The following LRP1B variants were observed in gnomAD, a reference collection of about 807,000 sequenced individuals.
LRP1B encodes the protein LDL receptor related protein 1B, also known as low-density lipoprotein receptor-related protein 1B.
Under a neutral mutation model 556.6 loss-of-function variants are expected in LRP1B, and 217 were observed. That is an observed-to-expected ratio of 0.39 (90% confidence interval 0.35 to 0.44). The LOEUF is 0.44. Among genes scored for constraint, LRP1B ranks in the 20% least tolerant of loss-of-function variants. LRP1B has a pLI of 1.00. For missense variants in LRP1B, 5,053 were observed against 5,620.8 expected (o/e 0.90, Z 3.23); for synonymous variants, 2,047 against 1,865.8 (o/e 1.10, Z -2.50).
intron 45 of LRP1B, among the ~76,000 whole-genome samples, chr2:140,538,300 A>G (rs1680004288): frequency 6.6e-6 from 1 of 152,034 alleles, no homozygotes; most frequent in Non-Finnish European, 1.5e-5. Context: ...ACTGAGGTTT[A>G]AGATATGATT....
chr2:140,404,401 T>C (rs1461638907), intron 66 of LRP1B, among the ~76,000 whole-genome samples: 1 of 151,972 alleles, frequency 6.6e-6, no homozygotes, highest in Non-Finnish European at 1.5e-5. Context: ...CTCGATCTCC[T>C]GACCTCATGA....
chr2:141,014,507 C>T (rs1697847239), intron 13 of LRP1B, among the ~76,000 whole-genome samples: 1 of 151,828 alleles, frequency 6.6e-6, no homozygotes, highest in Admixed American at 6.6e-5. Context: ...CACCTTTTAC[C>T]ATAAATAAAA....
intron 31 of LRP1B, among the ~76,000 whole-genome samples, chr2:140,835,401 C>T (rs1461506512): frequency 6.6e-6 from 1 of 152,214 alleles, no homozygotes; most frequent in African/African-American, 2.4e-5. Flanking sequence ...TGAGGCTTCA[C>T]CTGCATAAAG....
intron 2 of LRP1B, among the ~76,000 whole-genome samples, chr2:141,670,203 A>G (rs1031285221): frequency 1.3e-5 from 2 of 152,032 alleles, no homozygotes; most frequent in Admixed American, 6.5e-5. Flanking sequence ...CAGCCTCTTC[A>G]TTAGAATTTG....
At chr2:140,569,233 A>C (rs1326308839) in intron 43 of LRP1B, among the ~76,000 whole-genome samples, 1 of 152,040 alleles carries the variant, frequency 6.6e-6, no homozygotes, top group African/African-American at 2.4e-5. Flanking sequence ...ACCTCGAATG[A>C]AAATGATTAA....
At chr2:140,526,078 G>T (rs912997534) in intron 48 of LRP1B, 85 bp from the exon 49 acceptor site, 47 of 1,455,470 alleles carry the variant, frequency 3.2e-5, no homozygotes, top group Non-Finnish European at 4.0e-5. Flanking sequence ...GATGAGAAAA[G>T]TTAACTTCAT....
At chr2:141,255,539 T>C (rs890766955) in intron 3 of LRP1B, among the ~76,000 whole-genome samples, 1 of 152,052 alleles carries the variant, frequency 6.6e-6, no homozygotes, top group Non-Finnish European at 1.5e-5. Flanking sequence ...AAACTGAACA[T>C]TGGGTATTGT....
chr2:141,752,957 A>AAAAAAAAAAAAAAAAAAAAAAAG, intron 2 of LRP1B, among the ~76,000 whole-genome samples: 1 of 144,578 alleles, frequency 6.9e-6, no homozygotes, highest in Non-Finnish European at 1.5e-5. Flanking sequence ...AAAAAAAAAA[A>AAAAAAAAAAAAAAAAAAAAAAAG]AAAATTATGC....
intron 3 of LRP1B, among the ~76,000 whole-genome samples, chr2:141,412,275 TTTC>T (rs1690880489): frequency 6.6e-6 from 1 of 152,206 alleles, no homozygotes; most frequent in African/African-American, 2.4e-5. Flanking sequence ...CTGAAGTCAT[TTTC>T]TTAAGTTAAT....
At chr2:140,262,595 G>GA (rs1364890042) in intron 86 of LRP1B, among the ~76,000 whole-genome samples, 6 of 152,156 alleles carry the variant, frequency 3.9e-5, no homozygotes, top group African/African-American at 1.4e-4. Flanking sequence ...TGATAGTGAA[G>GA]ATACTGGACA....
intron 84 of LRP1B, among the ~76,000 whole-genome samples, chr2:140,284,433 TC>T (rs1223706132): frequency 1.3e-5 from 2 of 151,342 alleles, no homozygotes; most frequent in African/African-American, 4.8e-5. Flanking sequence ...GATTTCTATC[TC>T]AGATGAGAGC....
intron 23 of LRP1B, among the ~76,000 whole-genome samples, chr2:140,901,731 T>C (rs1694111290): frequency 1.3e-5 from 2 of 152,310 alleles, no homozygotes; most frequent in African/African-American, 2.4e-5. Flanking sequence ...AGTGCACTTA[T>C]TGAAATTAAA....
At chr2:141,920,296 G>T (rs1224257999) in intron 1 of LRP1B, among the ~76,000 whole-genome samples, 3 of 140,492 alleles carry the variant, frequency 2.1e-5, no homozygotes, top group African/African-American at 7.7e-5. Context: ...GGGTGGTAGG[G>T]ATAATCATTT....
At chr2:141,645,741 C>T (rs944377112) in intron 2 of LRP1B, among the ~76,000 whole-genome samples, 4 of 151,750 alleles carry the variant, frequency 2.6e-5, no homozygotes, top group African/African-American at 7.3e-5. Flanking sequence ...ATGGCCTCAC[C>T]ATGTGGTTTC....
intron 2 of LRP1B, among the ~76,000 whole-genome samples, chr2:141,621,400 A>T (rs1688500696): frequency 2.0e-5 from 3 of 152,208 alleles, no homozygotes; most frequent in Admixed American, 2.0e-4. Flanking sequence ...AGAAAATACC[A>T]GAGAAGTAAA....
At chr2:140,870,493 T>C (rs7349387) in intron 25 of LRP1B, among the ~76,000 whole-genome samples, 127,727 of 152,086 alleles carry the variant, frequency 0.84, 54,040 homozygotes, top group Non-Finnish European at 0.89. Context: ...TACACTTGCA[T>C]GTTAGTAATC....
intron 5 of LRP1B, among the ~76,000 whole-genome samples, chr2:141,229,839 TCAGAAATAGATTCTCCGGAG>T (rs1683391923): frequency 6.6e-6 from 1 of 152,116 alleles, no homozygotes; most frequent in Admixed American, 6.5e-5. Context: ...ATGTATGAGA[TCAGAAATAGATTCTCCGGAG>T]CAGAAAATGC....
chr2:141,970,953 G>T (rs954732765), intron 1 of LRP1B, among the ~76,000 whole-genome samples: 1 of 151,504 alleles, frequency 6.6e-6, no homozygotes, highest in African/African-American at 2.4e-5. Context: ...CAGGATTATG[G>T]AACATCAGGT....
At chr2:141,817,631 A>G (rs979472747) in intron 1 of LRP1B, among the ~76,000 whole-genome samples, 3 of 152,116 alleles carry the variant, frequency 2.0e-5, no homozygotes, top group African/African-American at 7.2e-5. Context: ...TTTTCAGAAA[A>G]CAGAAACTAT....
Sources: allele counts gnomAD v4.1 joint callset (sites outside exome capture counted in the v4.1 genomes callset), GRCh38; gene constraint gnomAD v4.1.1; transcripts MANE v1.5; gene names NCBI Gene and HGNC (gene_info 2026-07-23, HGNC 2026-07-21).